RNF216: variants seen among roughly 807,000 people sequenced by gnomAD.
RNF216 encodes E3 ubiquitin-protein ligase RNF216.
A neutral mutation model predicts 110.8 loss-of-function variants in RNF216; 72 were observed. That is an observed-to-expected ratio of 0.65 (90% confidence interval 0.54 to 0.79). The LOEUF (loss-of-function observed/expected upper bound fraction) is 0.79, where lower values mean the gene tolerates loss of function less well. Among genes scored for constraint, RNF216 ranks in the 30% least tolerant of loss-of-function variants. The pLI is 0.00. For synonymous variants in RNF216, 495 were observed against 407.5 expected (o/e 1.21, Z -2.59); for missense variants, 1,342 against 1,141.2 (o/e 1.18, Z -2.54).
chr7:5,721,720 A>C (rs1415311076), intron 8 of RNF216, among the ~76,000 whole-genome samples: 1 of 152,198 alleles, frequency 6.6e-6, no homozygotes, highest in African/African-American at 2.4e-5. Context: ...TTTTAATTTT[A>C]GCCATTCTGG....
At chr7:5,734,287 T>A (rs1308984616) in intron 5 of RNF216, among the ~76,000 whole-genome samples, 1 of 152,188 alleles carries the variant, frequency 6.6e-6, no homozygotes, top group African/African-American at 2.4e-5. Flanking sequence ...ATATATAAAC[T>A]GTGGTTCTAC....
intron 13 of RNF216, among the ~76,000 whole-genome samples, chr7:5,665,759 C>T (rs1789468618): frequency 6.6e-6 from 1 of 152,086 alleles, no homozygotes; most frequent in Non-Finnish European, 1.5e-5. Context: ...TACCAATTCC[C>T]TTAGTTACTC....
rs1215912767 is a variant in RNF216 at position 5,624,334 on chromosome 7, C to A, written c.2383-209G>T. Among the ~76,000 whole-genome samples, 2 of 152,230 alleles carry A rather than the reference C, an allele frequency of 1.3e-5. No homozygotes were observed. The highest frequency in any genetic ancestry group is 2.4e-5 in the African/African-American group (1 of 41,460). On this transcript the variant is annotated intron_variant, in intron 15 of 16. Coordinates refer to ENST00000389902, the MANE Select transcript of RNF216 (RefSeq NM_207111.4). This position sits in a 1 kb window ranked among gnomAD's most constrained non-coding sequence, Gnocchi z 4.4. Reference sequence around the variant, plus strand: ...AGCCTGATGGCGTTCCACAAGGAGGCCATCCACAAGGCTGGGCAGAGGGGT... The same window carrying A: ...AGCCTGATGGCGTTCCACAAGGAGGACATCCACAAGGCTGGGCAGAGGGGT...
chr7:5,753,110 G>A (rs1043799858), intron 2 of RNF216, 131 bp from the exon 3 acceptor site: 39 of 827,918 alleles, frequency 4.7e-5, no homozygotes, highest in Non-Finnish European at 6.2e-5. Context: ...TCCTCAAGCA[G>A]CCCGTGCACT....
At position 5,624,554 on chromosome 7, in the gene RNF216, C is replaced by T. The variant is rs572738966; in HGVS notation, c.2383-429G>A. 6.6e-6 allele frequency among the ~76,000 whole-genome samples: 1 copy of T among 152,250 alleles called. No individual in the cohort carries two copies. The highest frequency in any genetic ancestry group is 1.5e-5 in the Non-Finnish European group (1 of 68,044). ...GTCTGCAGAGCCTGGAAAAGTCTTG[C>T]AGATGTCCTCAACTGAGATGGACAA... On this transcript the variant is annotated intron_variant, in intron 15 of 16. Transcript: ENST00000389902. The surrounding 1 kb of genome is among the most constrained non-coding windows in gnomAD (Gnocchi z 4.4).
chr7:5,625,890 C>T (rs958079513), intron 15 of RNF216, among the ~76,000 whole-genome samples: 10 of 152,236 alleles, frequency 6.6e-5, no homozygotes, highest in Non-Finnish European at 1.3e-4. Flanking sequence ...GCCTCAGATG[C>T]CAAGTGATGG....
intron 1 of RNF216, 124 bp downstream of exon 1, chr7:5,781,417 G>C (rs1305371362): frequency 6.6e-6 from 1 of 151,588 alleles, no homozygotes; most frequent in Non-Finnish European, 1.5e-5. Context: ...CCTCAGCTCG[G>C]CGGCCCTCAC....
chr7:5,748,702 GT>G (rs1795175426), intron 3 of RNF216, among the ~76,000 whole-genome samples: 1 of 151,398 alleles, frequency 6.6e-6, no homozygotes, highest in Non-Finnish European at 1.5e-5. Flanking sequence ...TTGGTCAACA[GT>G]ATGCTATTAG....
In RNF216 at chr7:5,660,123, G is replaced by A. The variant is rs113324344; in HGVS notation, c.2062-7613C>T. On this transcript the variant is annotated intron_variant, in intron 13 of 16. Transcript: ENST00000389902. ...ACACGTGCCACCACAGCTAAATTTT[G>A]TTATTTTATTTGTACAGACAGGTAT... Among the ~76,000 whole-genome samples the A allele has an allele frequency of 1.9e-3, 290 of 151,176 alleles. 5 individuals are homozygous for A. The highest frequency in any genetic ancestry group is 0.01 in the Middle Eastern group (3 of 294).
chr7:5,760,440 C>G (rs942382618), intron 2 of RNF216: 1 of 387,698 alleles, frequency 2.6e-6, no homozygotes, highest in Non-Finnish European at 5.3e-6. Context: ...CATTTGAACC[C>G]AGGAGGCGGA....
intron 15 of RNF216, among the ~76,000 whole-genome samples, chr7:5,626,435 G>T (rs1226975377): frequency 2.0e-5 from 3 of 149,714 alleles, no homozygotes. Flanking sequence ...AAGAAAAAAA[G>T]AAATGAACCA....
intron 2 of RNF216, among the ~76,000 whole-genome samples, chr7:5,753,232 C>T (rs1446886906): frequency 1.3e-5 from 2 of 152,144 alleles, no homozygotes; most frequent in Non-Finnish European, 2.9e-5. Flanking sequence ...TTTTCTCATA[C>T]TAGGTTGGAG....
chr7:5,774,528 T>C (rs947111611), intron 1 of RNF216, among the ~76,000 whole-genome samples: 3 of 152,230 alleles, frequency 2.0e-5, no homozygotes, highest in Admixed American at 2.0e-4. Flanking sequence ...GCCTGATATA[T>C]ACTAAGTGTG....
intron 1 of RNF216, among the ~76,000 whole-genome samples, chr7:5,773,634 C>A (rs1194842953): frequency 6.6e-6 from 1 of 152,202 alleles, no homozygotes; most frequent in African/African-American, 2.4e-5. Context: ...GTGGCACGAT[C>A]TCAGCTCACT....
At chr7:5,717,534 G>C (rs967604891) in intron 9 of RNF216, among the ~76,000 whole-genome samples, 1 of 152,094 alleles carries the variant, frequency 6.6e-6, no homozygotes, top group South Asian at 2.1e-4. Context: ...GATGCAACTG[G>C]GCAGAAACAG....
At chr7:5,632,858 T>C (rs1787158541) in intron 15 of RNF216, among the ~76,000 whole-genome samples, 2 of 152,018 alleles carry the variant, frequency 1.3e-5, no homozygotes, top group African/African-American at 4.8e-5. Context: ...ATCCAATGAG[T>C]ACCATGACGA....
chr7:5,720,553 A>T (rs1425168538), intron 9 of RNF216, among the ~76,000 whole-genome samples: 8 of 152,088 alleles, frequency 5.3e-5, no homozygotes, highest in Admixed American at 5.2e-4. Context: ...AGGGGGAAGC[A>T]CTCCTAACTT....
At chr7:5,735,336 C>T (rs568320309) in intron 5 of RNF216, among the ~76,000 whole-genome samples, 1 of 152,142 alleles carries the variant, frequency 6.6e-6, no homozygotes, top group South Asian at 2.1e-4. Context: ...CACAAGAAAA[C>T]TAGGCACCAT....
chr7:5,712,801 C>T lies in RNF216; in HGVS notation c.1896G>A (p.Lys632=), dbSNP rs28444267. Residue 632 remains lysine, a synonymous_variant, in exon 12 of 17, where the codon AAG becomes AAA. Coordinates refer to ENST00000389902, the MANE Select transcript of RNF216 (RefSeq NM_207111.4). The stretch of plus-strand genomic sequence containing the variant: ...TATACAGGATGGTCTGGGGGAGCAC[C>T]TTCTCCAGCTCACTGGTTGGGAACG... ...TCSFPTSELE[K]VLPQTILYKY... 7,802 of 1,614,002 alleles carry T rather than the reference C, an allele frequency of 4.8e-3. 325 individuals are homozygous for T. The African/African-American group carries it at 0.091, about 19-fold the overall frequency.
Sources: gnomAD v4.1 joint callset for allele counts (sites outside exome capture counted in the v4.1 genomes callset) on GRCh38, gnomAD v4.1.1 for gene constraint, Gnocchi (gnomAD v3.1) non-coding constraint, MANE v1.5 for transcripts, NCBI Gene and HGNC (gene_info 2026-07-23, HGNC 2026-07-21) for gene names.